Variants in LY9 observed in about 807,000 individuals in gnomAD.
LY9 encodes lymphocyte antigen 9.
Under a neutral mutation model 64.6 loss-of-function variants are expected in LY9, and 59 were observed. The observed-to-expected ratio is 0.91, with a 90% confidence interval of 0.74 to 1.13. LY9 has a LOEUF of 1.13. Ranked by LOEUF, LY9 falls within the 50% of genes most tolerant of loss-of-function variation. The pLI is 0.00. For missense variants in LY9, 789 were observed against 797.2 expected, an observed-to-expected ratio of 0.99 and a Z score of 0.12; for synonymous variants, 281 against 308.5, an observed-to-expected ratio of 0.91 and a Z score of 0.93.
intron 4 of LY9, 51 bp downstream of exon 4, chr1:160,814,812 T>G (rs1667813628): frequency 6.8e-7 from 1 of 1,464,210 alleles, no homozygotes; most frequent in Admixed American, 1.9e-5. Flanking sequence ...CTGAAAGCTT[T>G]CTCCTCTGCT....
chr1:160,802,077 C>A (rs547085531), intron 2 of LY9: 2 of 1,388,776 alleles, frequency 1.4e-6, no homozygotes, highest in African/African-American at 2.9e-5. Flanking sequence ...CACCCACCCG[C>A]CGCCTCCCAT....
At chr1:160,805,978 A>G (rs1341180420) in intron 2 of LY9, among the ~76,000 whole-genome samples, 2 of 147,160 alleles carry the variant, frequency 1.4e-5, no homozygotes, top group Non-Finnish European at 3.0e-5. Flanking sequence ...TTTGATATAA[A>G]TATAGCTAGC....
chr1:160,796,414 A>C, intron 1 of LY9, 103 bp downstream of exon 1: 1 of 1,363,848 alleles, frequency 7.3e-7, no homozygotes, highest in Non-Finnish European at 9.9e-7. Flanking sequence ...TGTTTTTTTT[A>C]ACGGAGTCTC....
At chr1:160,800,128 T>C in intron 2 of LY9, 46 bp downstream of exon 2, 1 of 1,477,504 alleles carries the variant, frequency 6.8e-7, no homozygotes. Context: ...CTTTTTTTTA[T>C]TTGTGCAAAT....
At chr1:160,801,867 T>C (rs746658715) in intron 2 of LY9, 1 of 1,613,908 alleles carries the variant, frequency 6.2e-7, no homozygotes, top group East Asian at 2.2e-5. Context: ...CGGCCTGGAG[T>C]CCATCATCAG....
intron 2 of LY9, among the ~76,000 whole-genome samples, chr1:160,807,284 T>C (rs1020020021): frequency 2.4e-4 from 37 of 152,320 alleles, no homozygotes; most frequent in African/African-American, 8.7e-4. Flanking sequence ...GCTTTGATTC[T>C]GGGTGCATGC....
At chr1:160,805,326 T>C (rs1280641895) in intron 2 of LY9, among the ~76,000 whole-genome samples, 2 of 152,156 alleles carry the variant, frequency 1.3e-5, no homozygotes, top group Non-Finnish European at 2.9e-5. Flanking sequence ...AAGAACTTTT[T>C]TTAAATTTCC....
intron 2 of LY9, chr1:160,812,642 G>C (rs1667598953): frequency 6.6e-6 from 1 of 152,288 alleles, no homozygotes; most frequent in East Asian, 1.9e-4. Flanking sequence ...CCTCTGGAAA[G>C]ATCAACAAGA....
rs1291398407 is a variant in LY9 at position 160,814,712 on chromosome 1, A to G, written c.1023A>G (p.Ser341=). 2 of 1,614,154 alleles carry G rather than the reference A, an allele frequency of 1.2e-6. No individual in the cohort carries two copies. The change falls in exon 4 of 10, where the codon TCA becomes TCG. Residue 341 remains serine (S), a synonymous_variant. Transcript: ENST00000263285. ...DAGPYHAYVC[S]EASSVTSMTH... ...GCCCCTACCATGCCTACGTGTGCTC[A>G]GAGGCCTCCAGCGTCACCAGCATGA...
intron 2 of LY9, among the ~76,000 whole-genome samples, chr1:160,804,560 T>C (rs1175923307): frequency 6.6e-6 from 1 of 152,206 alleles, no homozygotes. Flanking sequence ...TTTGTTGTTG[T>C]GTCCTTGTCT....
At chr1:160,803,075 A>T (rs1370552123) in intron 2 of LY9, among the ~76,000 whole-genome samples, 1 of 152,084 alleles carries the variant, frequency 6.6e-6, no homozygotes, top group Admixed American at 6.6e-5. Context: ...TGAGGTCAGG[A>T]GTTCGAGACC....
intron 1 of LY9, 106 bp downstream of exon 1, chr1:160,796,417 G>C: frequency 7.4e-7 from 1 of 1,343,918 alleles, no homozygotes; most frequent in East Asian, 2.3e-5. Context: ...TTTTTTTAAC[G>C]GAGTCTCACT....
chr1:160,802,472 A>G, intron 2 of LY9: 1 of 985,708 alleles, frequency 1.0e-6, no homozygotes. Context: ...GGCTGCACCC[A>G]TGATGCGGAG....
intron 1 of LY9, among the ~76,000 whole-genome samples, chr1:160,796,545 A>C (rs934888137): frequency 6.6e-6 from 1 of 151,980 alleles, no homozygotes; most frequent in African/African-American, 2.4e-5. Flanking sequence ...GGTGCATGCC[A>C]ACACACCCAG....
At chr1:160,807,341 TG>T (rs1203285116) in intron 2 of LY9, among the ~76,000 whole-genome samples, 2 of 152,192 alleles carry the variant, frequency 1.3e-5, no homozygotes, top group African/African-American at 4.8e-5. Context: ...ATAACATTAG[TG>T]GTATCTGTGA....
chr1:160,818,099 C>A, intron 5 of LY9, 119 bp from the exon 6 acceptor site: 1 of 686,044 alleles, frequency 1.5e-6, no homozygotes, highest in Non-Finnish European at 2.6e-6. Flanking sequence ...AAAAGAAAGA[C>A]TTTCCACAAC....
intron 2 of LY9, chr1:160,811,313 G>A (rs886891566): frequency 6.6e-6 from 1 of 152,208 alleles, no homozygotes; most frequent in Non-Finnish European, 1.5e-5. Flanking sequence ...GTCCCTTACA[G>A]TCCAGACTGG....
chr1:160,820,528 C>T (rs1668334675), intron 7 of LY9, among the ~76,000 whole-genome samples: 1 of 152,222 alleles, frequency 6.6e-6, no homozygotes, highest in Admixed American at 6.5e-5. Flanking sequence ...GATATGGGCT[C>T]TTCTGATGGA....
chr1:160,796,380 T>C, intron 1 of LY9, 69 bp downstream of exon 1: 17 of 1,506,412 alleles, frequency 1.1e-5, no homozygotes, highest in Non-Finnish European at 1.5e-5. Flanking sequence ...ATTCCCTGCC[T>C]GGGAGATTCT....
Sources: gnomAD v4.1 joint callset for allele counts (sites outside exome capture counted in the v4.1 genomes callset) on GRCh38, gnomAD v4.1.1 for gene constraint, MANE v1.5 for transcripts, NCBI Gene and HGNC (gene_info 2026-07-23, HGNC 2026-07-21) for gene names.